OPCML: variants seen among roughly 807,000 people sequenced by gnomAD.
The protein encoded by OPCML is opioid binding protein/cell adhesion molecule like.
In OPCML, 13 loss-of-function variants were observed where a neutral mutation model predicts 37.8. That is an observed-to-expected ratio of 0.34 (90% confidence interval 0.22 to 0.55). OPCML has a LOEUF of 0.55. OPCML is among the 20% of genes least tolerant of loss of function. OPCML has a pLI of 0.91. For missense variants in OPCML, 341 were observed against 435.6 expected, an observed-to-expected ratio of 0.78 and a Z score of 1.93; for synonymous variants, 176 against 168.8, an observed-to-expected ratio of 1.04 and a Z score of -0.33.
At chr11:133,366,317 C>T (rs1418731551) in intron 1 of OPCML, among the ~76,000 whole-genome samples, 1 of 152,160 alleles carries the variant, frequency 6.6e-6, no homozygotes, top group East Asian at 1.9e-4. Flanking sequence ...GGGTCACCGA[C>T]GTGAGGCTGC....
chr11:133,499,883 T>C (rs1947874840), intron 1 of OPCML, among the ~76,000 whole-genome samples: 1 of 145,538 alleles, frequency 6.9e-6, no homozygotes, highest in Admixed American at 6.9e-5. Context: ...TATTTTTTTT[T>C]TTTTTTGAAA....
chr11:133,285,198 AC>A (rs896811315), intron 1 of OPCML, among the ~76,000 whole-genome samples: 1 of 152,150 alleles, frequency 6.6e-6, no homozygotes. Context: ...CATTTAGAAG[AC>A]GTCAGTGGCT....
intron 1 of OPCML, among the ~76,000 whole-genome samples, chr11:132,964,594 C>T (rs539365249): frequency 1.3e-5 from 2 of 152,236 alleles, no homozygotes; most frequent in South Asian, 4.1e-4. Context: ...CCTTCTCAAC[C>T]TACAAACCTG....
chr11:133,489,403 A>T (rs144165046), intron 1 of OPCML, among the ~76,000 whole-genome samples: 1,742 of 152,272 alleles, frequency 0.011, 40 homozygotes, highest in African/African-American at 0.039. Flanking sequence ...AAATAACCCC[A>T]TTTAAAAGTG....
intron 2 of OPCML, among the ~76,000 whole-genome samples, chr11:132,768,775 C>A (rs1327241161): frequency 2.0e-5 from 3 of 152,040 alleles, no homozygotes; most frequent in Non-Finnish European, 4.4e-5. Context: ...GCCAGCCAGG[C>A]CCCCAGCAAG....
intron 1 of OPCML, among the ~76,000 whole-genome samples, chr11:133,098,461 C>T (rs933257258): frequency 3.3e-5 from 5 of 152,024 alleles, no homozygotes; most frequent in Non-Finnish European, 5.9e-5. Flanking sequence ...ATGATCCGCT[C>T]GCCTCAGCCT....
intron 1 of OPCML, among the ~76,000 whole-genome samples, chr11:133,079,913 A>G (rs1948683651): frequency 6.6e-6 from 1 of 151,968 alleles, no homozygotes; most frequent in South Asian, 2.1e-4. Flanking sequence ...GATAGGCATC[A>G]CTCTCCCTTT....
At chr11:132,821,064 G>A (rs913700986) in intron 2 of OPCML, among the ~76,000 whole-genome samples, 1 of 152,198 alleles carries the variant, frequency 6.6e-6, no homozygotes, top group African/African-American at 2.4e-5. Flanking sequence ...AGCCTTCTCT[G>A]GTTAGAGGAG....
intron 4 of OPCML, among the ~76,000 whole-genome samples, chr11:132,519,417 C>T (rs774780630): frequency 9.2e-5 from 14 of 152,024 alleles, no homozygotes; most frequent in Non-Finnish European, 1.6e-4. Context: ...GCCATCCTCC[C>T]GCTTGCACAA....
intron 2 of OPCML, among the ~76,000 whole-genome samples, chr11:132,756,965 G>A (rs1946070548): frequency 6.6e-6 from 1 of 152,000 alleles, no homozygotes; most frequent in African/African-American, 2.4e-5. Flanking sequence ...GATGTGTGAT[G>A]TTCCCCTCCC....
rs114565026 is a variant in OPCML, at chr11:132,424,753, C to T, written c.917-4460G>A. 4.3e-3 allele frequency among the ~76,000 whole-genome samples: 661 copies of T among 152,228 alleles called. 4 individuals carry two copies. The highest frequency in any genetic ancestry group is 0.015 in the African/African-American group (619 of 41,532). On this transcript the variant is annotated intron_variant, in intron 7 of 7. Coordinates refer to ENST00000524381, the MANE Select transcript of OPCML (RefSeq NM_001012393.5). Reference sequence around the variant, plus strand: ...TTTGCAGGACTGATTGAAGGATGAACGTAATCAGTAGAGTGCCTGGTACAA... The same window carrying T: ...TTTGCAGGACTGATTGAAGGATGAATGTAATCAGTAGAGTGCCTGGTACAA...
At chr11:132,895,125 A>T (rs556196737) in intron 2 of OPCML, among the ~76,000 whole-genome samples, 1 of 152,242 alleles carries the variant, frequency 6.6e-6, no homozygotes, top group Admixed American at 6.5e-5. Flanking sequence ...AATGCCAAAG[A>T]CTCTACTTCT....
At chr11:132,454,364 G>GA (rs897984351) in intron 4 of OPCML, among the ~76,000 whole-genome samples, 45 of 152,330 alleles carry the variant, frequency 3.0e-4, no homozygotes, top group African/African-American at 1.1e-3. Context: ...TGAAAAGTGT[G>GA]ATGGTGGAAG....
intron 3 of OPCML, among the ~76,000 whole-genome samples, chr11:132,539,785 T>C (rs749065587): frequency 1.3e-5 from 2 of 151,928 alleles, no homozygotes; most frequent in East Asian, 1.9e-4. Context: ...GTGATGACAA[T>C]AGTAATGACG....
rs1459504041 is a variant in OPCML at position 133,239,756 on chromosome 11, C to T, written c.61+292508G>A. On this transcript the variant is annotated intron_variant, in intron 1 of 7. Coordinates refer to ENST00000524381, the MANE Select transcript of OPCML (RefSeq NM_001012393.5). ...ATGACACAGCTGGATTTCCCCACTG[C>T]TCAGGAAGAACTGCTGGAGATGCCA... Among the ~76,000 whole-genome samples, 9 of 152,294 alleles carry T rather than the reference C, an allele frequency of 5.9e-5. No homozygotes were observed. The East Asian group carries it at 1.4e-3, about 23-fold the overall frequency.
intron 2 of OPCML, among the ~76,000 whole-genome samples, chr11:132,673,684 T>C (rs143883581): frequency 3.2e-3 from 480 of 152,232 alleles, no homozygotes; most frequent in South Asian, 7.5e-3. Context: ...GAAACTACAC[T>C]TCTGACAGGA....
intron 3 of OPCML, among the ~76,000 whole-genome samples, chr11:132,592,366 C>T (rs2096485845): frequency 1.3e-5 from 2 of 152,138 alleles, no homozygotes; most frequent in South Asian, 2.1e-4. Context: ...AAAAACCCAA[C>T]CCAGGATAAG....
At chr11:133,226,610 A>G (rs1052654468) in intron 1 of OPCML, among the ~76,000 whole-genome samples, 2 of 152,210 alleles carry the variant, frequency 1.3e-5, no homozygotes, top group Non-Finnish European at 2.9e-5. Context: ...TAGATTAATC[A>G]CATGTGATAT....
chr11:133,479,716 C>T (rs959861171), intron 1 of OPCML, among the ~76,000 whole-genome samples: 4 of 152,192 alleles, frequency 2.6e-5, no homozygotes, highest in South Asian at 2.1e-4. Context: ...CGCACAGTCT[C>T]GAGGAGCCCA....
Sources: allele counts gnomAD v4.1 joint callset (sites outside exome capture counted in the v4.1 genomes callset), GRCh38; gene constraint gnomAD v4.1.1; transcripts MANE v1.5; gene names NCBI Gene and HGNC (gene_info 2026-07-23, HGNC 2026-07-21).